ZBTB20: variants seen among roughly 807,000 people sequenced by gnomAD.
ZBTB20 encodes zinc finger and BTB domain containing 20, also known as zinc finger and BTB domain-containing protein 20.
In ZBTB20, 9 loss-of-function variants were observed where a neutral mutation model predicts 56.9. The observed-to-expected ratio is 0.16, with a 90% CI of 0.10 to 0.28. The LOEUF (loss-of-function observed/expected upper bound fraction) is 0.28, where lower values mean the gene tolerates loss of function less well. ZBTB20 is among the 10% of genes least tolerant of loss of function. The pLI, the probability that ZBTB20 is intolerant of heterozygous loss-of-function variation, is 1.00. For missense variants in ZBTB20, 655 were observed against 1,003.0 expected (o/e 0.65, Z 4.69); for synonymous variants, 417 against 420.7 (o/e 0.99, Z 0.11).
At chr3:115,132,567 G>C (rs2084537835) in intron 1 of ZBTB20, among the ~76,000 whole-genome samples, 1 of 152,092 alleles carries the variant, frequency 6.6e-6, no homozygotes, top group African/African-American at 2.4e-5. Flanking sequence ...ATGGTTCCTT[G>C]TTTAGTTTCT....
At chr3:114,422,063 C>T (rs2089227842) in intron 7 of ZBTB20, among the ~76,000 whole-genome samples, 1 of 152,170 alleles carries the variant, frequency 6.6e-6, no homozygotes, top group Non-Finnish European at 1.5e-5. Context: ...CCGTTGAACA[C>T]ACAAGTAGAT....
chr3:114,798,603 A>G (rs1055295449), intron 5 of ZBTB20, among the ~76,000 whole-genome samples: 1 of 151,884 alleles, frequency 6.6e-6, no homozygotes, highest in African/African-American at 2.4e-5. Context: ...GGTGGTCAAT[A>G]TGGTTTGTGT....
At chr3:115,050,682 C>T (rs2081512549) in intron 2 of ZBTB20, among the ~76,000 whole-genome samples, 1 of 152,026 alleles carries the variant, frequency 6.6e-6, no homozygotes, top group South Asian at 2.1e-4. Context: ...CCATCTCACG[C>T]ATACAGGCAT....
At chr3:114,700,905 T>C (rs923452489) in intron 5 of ZBTB20, among the ~76,000 whole-genome samples, 5 of 152,198 alleles carry the variant, frequency 3.3e-5, no homozygotes, top group Non-Finnish European at 7.4e-5. Flanking sequence ...TAGGCTGAAA[T>C]GCAGCCCCAA....
chr3:114,439,446 T>C (rs539286147), intron 7 of ZBTB20, among the ~76,000 whole-genome samples: 1 of 152,322 alleles, frequency 6.6e-6, no homozygotes, highest in Admixed American at 6.5e-5. Context: ...TTATGCTAAG[T>C]TGAAGCGATG....
At chr3:114,744,971 CTA>C (rs2066919396) in intron 5 of ZBTB20, among the ~76,000 whole-genome samples, 2 of 152,026 alleles carry the variant, frequency 1.3e-5, no homozygotes, top group South Asian at 4.1e-4. Flanking sequence ...AATAGTAACA[CTA>C]TTAGAACAGC....
chr3:114,859,282 TCC>T (rs2075394137), intron 4 of ZBTB20, among the ~76,000 whole-genome samples: 1 of 28,566 alleles, frequency 3.5e-5, no homozygotes, highest in African/African-American at 5.0e-5. Flanking sequence ...CTTCCTTCCT[TCC>T]TTTCTTCCTT....
At chr3:114,456,212 T>C (rs933340126) in intron 7 of ZBTB20, among the ~76,000 whole-genome samples, 1 of 151,336 alleles carries the variant, frequency 6.6e-6, no homozygotes, top group Non-Finnish European at 1.5e-5. Context: ...TATATATATA[T>C]GGAGAGAGAG....
intron 2 of ZBTB20, among the ~76,000 whole-genome samples, chr3:115,015,830 T>C (rs1342265060): frequency 6.6e-6 from 1 of 151,944 alleles, no homozygotes; most frequent in Non-Finnish European, 1.5e-5. Flanking sequence ...TTTGGGTATA[T>C]ACCCAGTAAT....
intron 5 of ZBTB20, among the ~76,000 whole-genome samples, chr3:114,709,490 A>G (rs1435487694): frequency 6.6e-6 from 1 of 152,186 alleles, no homozygotes; most frequent in Non-Finnish European, 1.5e-5. Context: ...TGGAGTAAAG[A>G]TCCATGAGCA....
intron 2 of ZBTB20, among the ~76,000 whole-genome samples, chr3:115,001,820 T>C (rs907497107): frequency 5.9e-5 from 9 of 151,430 alleles, no homozygotes; most frequent in Non-Finnish European, 7.4e-5. Context: ...TATTACTTCT[T>C]CCCAATTTAA....
At chr3:115,121,156 C>T (rs949306496) in intron 1 of ZBTB20, among the ~76,000 whole-genome samples, 7 of 151,980 alleles carry the variant, frequency 4.6e-5, no homozygotes, top group African/African-American at 1.7e-4. Context: ...CCTAAAATTT[C>T]CTGAGTTCAA....
At chr3:115,063,845 C>A (rs1211691431) in intron 2 of ZBTB20, among the ~76,000 whole-genome samples, 1 of 152,090 alleles carries the variant, frequency 6.6e-6, no homozygotes, top group Non-Finnish European at 1.5e-5. Context: ...AAATTTTAGA[C>A]ATAATATATT....
intron 5 of ZBTB20, among the ~76,000 whole-genome samples, chr3:114,751,798 C>T (rs1049899787): frequency 6.6e-6 from 1 of 152,098 alleles, no homozygotes; most frequent in South Asian, 2.1e-4. Context: ...CACATAATGT[C>T]ATTTATCTAC....
At chr3:115,062,797 GCAAA>G (rs2082058481) in intron 2 of ZBTB20, among the ~76,000 whole-genome samples, 1 of 152,092 alleles carries the variant, frequency 6.6e-6, no homozygotes. Flanking sequence ...TAATGAGTCA[GCAAA>G]CAGTTAAAAA....
intron 7 of ZBTB20, among the ~76,000 whole-genome samples, chr3:114,398,128 TA>T (rs1376003083): frequency 6.6e-6 from 1 of 152,180 alleles, no homozygotes; most frequent in Admixed American, 6.6e-5. Flanking sequence ...GGTCCATATA[TA>T]AAAATGTATC....
intron 7 of ZBTB20, among the ~76,000 whole-genome samples, chr3:114,487,421 C>T (rs144503546): frequency 6.6e-6 from 1 of 152,362 alleles, no homozygotes; most frequent in East Asian, 1.9e-4. Flanking sequence ...TAGACTCTAA[C>T]ATGTTTGCCT....
intron 2 of ZBTB20, among the ~76,000 whole-genome samples, chr3:115,059,778 T>C (rs895000080): frequency 2.6e-5 from 4 of 152,154 alleles, no homozygotes; most frequent in African/African-American, 9.7e-5. Flanking sequence ...ATCAGGAAAG[T>C]ACATCCAAGC....
chr3:114,924,323 A>C (rs2076071827), intron 3 of ZBTB20, among the ~76,000 whole-genome samples: 2 of 152,342 alleles, frequency 1.3e-5, no homozygotes, highest in Non-Finnish European at 2.9e-5. Context: ...TCAATGGGTA[A>C]AGCGGATAAA....
Sources: allele counts gnomAD v4.1 joint callset (sites outside exome capture counted in the v4.1 genomes callset), GRCh38; gene constraint gnomAD v4.1.1; transcripts MANE v1.5; gene names NCBI Gene and HGNC (gene_info 2026-07-23, HGNC 2026-07-21).